The following BBS9 variants were observed in gnomAD, a reference collection of about 807,000 sequenced individuals.
BBS9 encodes the protein Bardet-Biedl syndrome 9.
BBS9 carries 89 observed loss-of-function variants against 117.7 expected under a neutral mutation model. That is an observed-to-expected ratio of 0.76 (90% CI 0.64 to 0.90). The LOEUF (loss-of-function observed/expected upper bound fraction) is 0.90, where lower values mean the gene tolerates loss of function less well. Ranked by LOEUF, BBS9 falls within the 40% of genes least tolerant of loss-of-function variation. The probability of loss-of-function intolerance (pLI) is 0.00; values close to 1 mark genes in which losing one functional copy is unlikely to be tolerated. For missense variants in BBS9, 982 were observed against 1,042.2 expected (o/e 0.94, Z 0.80); for synonymous variants, 379 against 370.9 (o/e 1.02, Z -0.25).
chr7:33,325,625 T>C, intron 9 of BBS9, among the ~76,000 whole-genome samples: 1 of 152,166 alleles, frequency 6.6e-6, no homozygotes, highest in East Asian at 1.9e-4. Flanking sequence ...TCCTTTTTTC[T>C]GAAGGCTTTC....
chr7:33,472,600 A>G (rs937450917), intron 19 of BBS9, among the ~76,000 whole-genome samples: 19 of 152,224 alleles, frequency 1.2e-4, no homozygotes, highest in African/African-American at 3.4e-4. Flanking sequence ...CAGGCCTGGC[A>G]TTAGTTAACT....
chr7:33,623,863 T>A (rs1447775514), intron 21 of BBS9, among the ~76,000 whole-genome samples: 1 of 152,106 alleles, frequency 6.6e-6, no homozygotes, highest in Non-Finnish European at 1.5e-5. Flanking sequence ...ATTAACAAAA[T>A]TTTTAAATTG....
At chr7:33,495,480 T>G (rs886802759) in intron 19 of BBS9, among the ~76,000 whole-genome samples, 5 of 152,214 alleles carry the variant, frequency 3.3e-5, no homozygotes, top group African/African-American at 9.7e-5. Flanking sequence ...GATGTTGTTT[T>G]TGGAGAGTGA....
intron 5 of BBS9, among the ~76,000 whole-genome samples, chr7:33,209,034 A>G (rs1252745322): frequency 6.6e-6 from 1 of 152,204 alleles, no homozygotes; most frequent in East Asian, 1.9e-4. Context: ...GCTATCAAAT[A>G]TTAGATCTTA....
chr7:33,350,854 G>A (rs1048361085), intron 13 of BBS9, among the ~76,000 whole-genome samples: 9 of 152,110 alleles, frequency 5.9e-5, no homozygotes, highest in African/African-American at 2.2e-4. Flanking sequence ...ACCACGCCCA[G>A]CTAATTTTTT....
intron 21 of BBS9, among the ~76,000 whole-genome samples, chr7:33,539,869 T>A (rs1852005511): frequency 6.6e-6 from 1 of 152,240 alleles, no homozygotes. Context: ...CAATTCGTGT[T>A]GTATTTGCAG....
At chr7:33,165,409 T>C (rs1340078047) in intron 4 of BBS9, among the ~76,000 whole-genome samples, 4 of 152,264 alleles carry the variant, frequency 2.6e-5, no homozygotes, top group Non-Finnish European at 4.4e-5. Flanking sequence ...TCCTGGATAA[T>C]ATCCAGCAGA....
chr7:33,150,606 T>C (rs1458469568), intron 2 of BBS9, among the ~76,000 whole-genome samples: 3 of 152,166 alleles, frequency 2.0e-5, no homozygotes, highest in Non-Finnish European at 4.4e-5. Context: ...ATCCAGTTTG[T>C]CAGTATACAG....
At chr7:33,240,829 A>C (rs556517105) in intron 5 of BBS9, among the ~76,000 whole-genome samples, 2 of 152,058 alleles carry the variant, frequency 1.3e-5, no homozygotes, top group South Asian at 4.1e-4. Flanking sequence ...GGTTGGTTAG[A>C]TCTTCTCTGT....
chr7:33,477,779 G>A (rs1039137514), intron 19 of BBS9, among the ~76,000 whole-genome samples: 4 of 152,140 alleles, frequency 2.6e-5, no homozygotes, highest in Non-Finnish European at 4.4e-5. Flanking sequence ...TGGAATAGAC[G>A]CAGTGAGCTT....
At chr7:33,514,625 G>T (rs989729537) in intron 20 of BBS9, among the ~76,000 whole-genome samples, 1 of 152,166 alleles carries the variant, frequency 6.6e-6, no homozygotes, top group African/African-American at 2.4e-5. Context: ...CACATCGAGT[G>T]AGAAAAATAT....
At chr7:33,356,746 A>C (rs1819679225) in intron 15 of BBS9, among the ~76,000 whole-genome samples, 1 of 151,820 alleles carries the variant, frequency 6.6e-6, no homozygotes, top group African/African-American at 2.4e-5. Flanking sequence ...ACTTTAGCAA[A>C]ATATATTGCT....
chr7:33,340,005 A>T (rs1184025774), intron 10 of BBS9, among the ~76,000 whole-genome samples: 1 of 151,312 alleles, frequency 6.6e-6, no homozygotes, highest in South Asian at 2.1e-4. Context: ...TATATAATTT[A>T]AAAATGTTTT....
intron 4 of BBS9, among the ~76,000 whole-genome samples, chr7:33,168,862 A>C (rs979710788): frequency 1.3e-5 from 2 of 152,046 alleles, no homozygotes; most frequent in East Asian, 3.9e-4. Context: ...CACATTGTGC[A>C]GGTTAGTTAC....
In BBS9 at chr7:33,351,334, A is replaced by AG. The variant is rs755454607; in HGVS notation, c.1537+13dup. ...ATTCCAGACCAACAGGTAAACATAC[A>AG]GGCTTAATCATTACTTTAAGTTGTT... On this transcript the variant is annotated intron_variant, in intron 14 of 22. Transcript: ENST00000242067. 1 of 1,541,478 alleles carries AG rather than the reference A, an allele frequency of 6.5e-7. No homozygotes were observed. Among genetic ancestry groups the AG allele is most frequent in the South Asian group, 1.1e-5 (1 of 89,632 alleles).
At chr7:33,608,964 T>C (rs1463858968), downstream of BBS9, among the ~76,000 whole-genome samples, 3 of 152,154 alleles carry the variant, frequency 2.0e-5, no homozygotes, top group Admixed American at 1.3e-4. Context: ...TTTCCTAGGT[T>C]TTCTTCCAGT....
chr7:33,409,655 C>G (rs78167208), intron 19 of BBS9, among the ~76,000 whole-genome samples: 1 of 152,224 alleles, frequency 6.6e-6, no homozygotes, highest in Non-Finnish European at 1.5e-5. Flanking sequence ...TTCTTTACAT[C>G]CTTACATCAC....
At chr7:33,406,843 C>A (rs1384259948) in intron 19 of BBS9, among the ~76,000 whole-genome samples, 1 of 152,166 alleles carries the variant, frequency 6.6e-6, no homozygotes, top group East Asian at 1.9e-4. Flanking sequence ...GGTAACCCGA[C>A]CTTTCTCTCT....
chr7:33,336,568 G>A lies in BBS9; in HGVS notation c.1144G>A (p.Asp382Asn). Reference sequence around the variant, plus strand: ...TCGAGAACTAAACTATGATGAACTTGATGTAGAAATGAAAGAACTTCAGAA... The same window carrying A: ...TCGAGAACTAAACTATGATGAACTTAATGTAGAAATGAAAGAACTTCAGAA... ...QSRELNYDELDVEMKELQKII... is the reference protein window; with the variant it reads ...QSRELNYDELNVEMKELQKII... The change falls in exon 10 of 23, where the codon GAT becomes AAT. Residue 382 changes from aspartate to asparagine, a missense_variant. By Grantham distance (23) the Asp-to-Asn change is conservative (BLOSUM62 1). Coordinates refer to ENST00000242067, the MANE Select transcript of BBS9 (RefSeq NM_198428.3). The A allele has an allele frequency of 6.2e-7, 1 of 1,613,056 alleles. No homozygotes were observed.
Sources: gnomAD v4.1 joint callset for allele counts (sites outside exome capture counted in the v4.1 genomes callset) on GRCh38, gnomAD v4.1.1 for gene constraint, MANE v1.5 for transcripts, NCBI Gene and HGNC (gene_info 2026-07-23, HGNC 2026-07-21) for gene names.